The following ANKS1B variants were observed in gnomAD, a reference collection of about 807,000 sequenced individuals.
ANKS1B encodes the protein ankyrin repeat and sterile alpha motif domain containing 1B.
Under a neutral mutation model 148.3 loss-of-function variants are expected in ANKS1B, and 36 were observed. That is an observed-to-expected ratio of 0.24 (90% CI 0.19 to 0.32). The LOEUF is 0.32. ANKS1B is among the 10% of genes least tolerant of loss of function. ANKS1B has a pLI of 1.00. For missense variants in ANKS1B, 1,157 were observed against 1,542.6 expected (o/e 0.75, Z 4.19); for synonymous variants, 542 against 560.8 (o/e 0.97, Z 0.47).
intron 15 of ANKS1B, 138 bp downstream of exon 15, chr12:99,154,151 G>A: frequency 9.7e-7 from 1 of 1,035,454 alleles, no homozygotes. Context: ...AGTCCTAAGG[G>A]CATCCAATTT....
chr12:99,707,779 C>G lies in ANKS1B; in HGVS notation c.1129-52569G>C, dbSNP rs997699911. On this transcript the variant is annotated intron_variant, in intron 8 of 26. Transcript: ENST00000683438. ...AATAGCCATTTGACTCTCTACCTAC[C>G]AGCTCTCATAGGCTTCGCTGTCTTA... 2.6e-5 allele frequency among the ~76,000 whole-genome samples: 4 copies of G among 151,964 alleles called. No individual in the cohort carries two copies. In the South Asian group the frequency reaches 8.3e-4, roughly 31 times the overall value.
chr12:99,160,806 C>G (rs959220796), intron 14 of ANKS1B, among the ~76,000 whole-genome samples: 1 of 152,158 alleles, frequency 6.6e-6, no homozygotes, highest in Non-Finnish European at 1.5e-5. Flanking sequence ...GTCCTTTCCT[C>G]ATTGCTTATT....
At chr12:99,069,543 C>A (rs891652477) in intron 16 of ANKS1B, among the ~76,000 whole-genome samples, 1 of 152,174 alleles carries the variant, frequency 6.6e-6, no homozygotes, top group African/African-American at 2.4e-5. Context: ...AGCTTTTAAC[C>A]TGTCAGGACT....
chr12:99,432,870 C>T (rs1461690736), intron 11 of ANKS1B, among the ~76,000 whole-genome samples: 4 of 152,056 alleles, frequency 2.6e-5, no homozygotes, highest in Non-Finnish European at 5.9e-5. Flanking sequence ...AATTAAACAA[C>T]GTGGAGAACG....
intron 15 of ANKS1B, among the ~76,000 whole-genome samples, chr12:99,105,786 A>C (rs1279184034): frequency 3.3e-5 from 5 of 151,798 alleles, no homozygotes; most frequent in Non-Finnish European, 5.9e-5. Flanking sequence ...AAAAAAAAAA[A>C]AAACTAAAAC....
chr12:99,838,241 C>T (rs965489188), intron 1 of ANKS1B, among the ~76,000 whole-genome samples: 1 of 152,150 alleles, frequency 6.6e-6, no homozygotes, highest in Non-Finnish European at 1.5e-5. Flanking sequence ...CATACAAGTG[C>T]AAGTATCTTT....
chr12:99,757,337 GA>G (rs774276664), intron 8 of ANKS1B, among the ~76,000 whole-genome samples: 18 of 152,056 alleles, frequency 1.2e-4, no homozygotes, highest in South Asian at 4.1e-4. Flanking sequence ...ACAAGCATAT[GA>G]AAAAAATGTG....
chr12:98,997,251 T>A (rs1281145270), intron 17 of ANKS1B, among the ~76,000 whole-genome samples: 1 of 152,160 alleles, frequency 6.6e-6, no homozygotes, highest in South Asian at 2.1e-4. Flanking sequence ...GGGACCAGGA[T>A]TGGGCAGGTA....
chr12:98,812,800 C>G (rs766775265), intron 19 of ANKS1B, among the ~76,000 whole-genome samples: 1 of 152,082 alleles, frequency 6.6e-6, no homozygotes, highest in African/African-American at 2.4e-5. Flanking sequence ...TGGTCTCAAA[C>G]GCCTGGCCTC....
chr12:99,089,488 G>C (rs2053305461), intron 15 of ANKS1B, among the ~76,000 whole-genome samples: 1 of 152,184 alleles, frequency 6.6e-6, no homozygotes, highest in South Asian at 2.1e-4. Flanking sequence ...GGACAACAAA[G>C]ATACAGAACA....
intron 15 of ANKS1B, among the ~76,000 whole-genome samples, chr12:99,133,994 G>GT (rs1402952624): frequency 2.0e-5 from 3 of 152,126 alleles, no homozygotes; most frequent in African/African-American, 7.2e-5. Flanking sequence ...AATATACCTC[G>GT]TAAGTTTCAG....
chr12:99,732,831 T>C (rs2059292047), intron 8 of ANKS1B, among the ~76,000 whole-genome samples: 1 of 152,180 alleles, frequency 6.6e-6, no homozygotes, highest in Admixed American at 6.5e-5. Context: ...AGACACTGTC[T>C]TCATGTATAT....
At chr12:99,095,026 TGGG>T (rs10543431) in intron 15 of ANKS1B, among the ~76,000 whole-genome samples, 4 of 149,556 alleles carry the variant, frequency 2.7e-5, no homozygotes, top group African/African-American at 4.9e-5. Context: ...TGGGTCTCAC[TGGG>T]GGGGGGGTCA....
At chr12:99,689,140 T>C (rs890041141) in intron 8 of ANKS1B, among the ~76,000 whole-genome samples, 1 of 152,198 alleles carries the variant, frequency 6.6e-6, no homozygotes, top group African/African-American at 2.4e-5. Context: ...TATTTGATAT[T>C]TTGGTTTCTA....
At chr12:99,746,026 C>T (rs2060563050) in intron 8 of ANKS1B, among the ~76,000 whole-genome samples, 1 of 152,136 alleles carries the variant, frequency 6.6e-6, no homozygotes, top group Admixed American at 6.6e-5. Context: ...ATTATTCCCA[C>T]TCTACCAGTA....
At position 99,621,998 on chromosome 12, in the gene ANKS1B, C is replaced by T. The variant is rs568024866; in HGVS notation, c.1272+33069G>A. On this transcript the variant is annotated intron_variant, in intron 9 of 26. Coordinates refer to ENST00000683438, the MANE Select transcript of ANKS1B (RefSeq NM_001352186.2). ...AACTTACTCCAAGATCAACCACATG[C>T]TTGACCAGAAGGCAAATATCAATAA... is the stretch of plus-strand genomic sequence containing the variant. Among the ~76,000 whole-genome samples, 574 of 152,094 alleles carry T rather than the reference C, an allele frequency of 3.8e-3. 1 individual carries two copies. Among genetic ancestry groups the T allele is most frequent in the African/African-American group, 0.013 (542 of 41,538 alleles).
chr12:99,135,038 T>C (rs2067543518), intron 15 of ANKS1B, among the ~76,000 whole-genome samples: 1 of 152,004 alleles, frequency 6.6e-6, no homozygotes, highest in Admixed American at 6.6e-5. Context: ...ACAATTCCAA[T>C]AATCTCAATA....
intron 15 of ANKS1B, among the ~76,000 whole-genome samples, chr12:99,085,376 AG>A (rs1289752304): frequency 1.4e-5 from 2 of 147,206 alleles, no homozygotes; most frequent in Non-Finnish European, 3.1e-5. Flanking sequence ...AAATAAAAAA[AG>A]ATCCAAAAAA....
chr12:99,611,523 A>C (rs1378193337), intron 9 of ANKS1B, among the ~76,000 whole-genome samples: 2 of 152,116 alleles, frequency 1.3e-5, no homozygotes, highest in Non-Finnish European at 2.9e-5. Flanking sequence ...AAAATTAAAA[A>C]CACTGAATCT....
Sources: gnomAD v4.1 joint callset for allele counts (sites outside exome capture counted in the v4.1 genomes callset) on GRCh38, gnomAD v4.1.1 for gene constraint, MANE v1.5 for transcripts, NCBI Gene and HGNC (gene_info 2026-07-23, HGNC 2026-07-21) for gene names.